NTM: variants seen among roughly 807,000 people sequenced by gnomAD.
NTM encodes the protein IgLON family member 2.
In NTM, 13 loss-of-function variants were observed where a neutral mutation model predicts 42.1. That is an observed-to-expected ratio of 0.31 (90% CI 0.20 to 0.49). The LOEUF (loss-of-function observed/expected upper bound fraction) is 0.49, where lower values mean the gene tolerates loss of function less well. Among genes scored for constraint, NTM ranks in the 20% least tolerant of loss-of-function variants. NTM has a pLI of 0.99. For missense variants in NTM, 373 were observed against 452.8 expected, an observed-to-expected ratio of 0.82 and a Z score of 1.60; for synonymous variants, 187 against 179.2, an observed-to-expected ratio of 1.04 and a Z score of -0.35.
At chr11:132,275,216 T>C (rs376886017) in intron 4 of NTM, among the ~76,000 whole-genome samples, 7 of 152,242 alleles carry the variant, frequency 4.6e-5, no homozygotes, top group East Asian at 3.9e-4. Flanking sequence ...TTTTATATGA[T>C]GTAAGGAAGG....
At chr11:132,247,929 C>A (rs1372374826) in intron 4 of NTM, among the ~76,000 whole-genome samples, 1 of 152,284 alleles carries the variant, frequency 6.6e-6, no homozygotes, top group East Asian at 1.9e-4. Context: ...TGAGAAAGGT[C>A]ATTTCCAGCT....
chr11:131,824,646 C>T (rs962845961), intron 1 of NTM, among the ~76,000 whole-genome samples: 1 of 152,182 alleles, frequency 6.6e-6, no homozygotes, highest in South Asian at 2.1e-4. Flanking sequence ...TGTATTGTGA[C>T]AGACATTACA....
In NTM at chr11:131,378,318, G is replaced by A. The variant is rs1189341325; in HGVS notation, c.82+7430G>A. The stretch of plus-strand genomic sequence containing the variant: ...AACACTTGGACTAAGAGATTTTCAA[G>A]TCTCATTCCAAGTTCAACATTTGGC... On this transcript the variant is annotated intron_variant, in intron 1 of 8. Coordinates refer to ENST00000683400, the MANE Select transcript of NTM (RefSeq NM_001352005.2). Among the ~76,000 whole-genome samples, 6 of 152,176 alleles carry A rather than the reference G, an allele frequency of 3.9e-5. No homozygotes were observed. In the East Asian group the frequency reaches 1.2e-3, roughly 29 times the overall value.
intron 4 of NTM, among the ~76,000 whole-genome samples, chr11:132,273,895 G>A (rs1487000004): frequency 6.6e-6 from 1 of 152,058 alleles, no homozygotes; most frequent in Non-Finnish European, 1.5e-5. Context: ...CAATAAGAGT[G>A]AAACTCCATC....
intron 2 of NTM, among the ~76,000 whole-genome samples, chr11:131,968,829 C>T (rs1366131309): frequency 6.6e-6 from 1 of 152,210 alleles, no homozygotes; most frequent in African/African-American, 2.4e-5. Context: ...CTTCCACCCC[C>T]TTAATTCTCC....
intron 1 of NTM, among the ~76,000 whole-genome samples, chr11:131,533,588 C>A (rs770900456): frequency 2.0e-5 from 3 of 152,164 alleles, no homozygotes; most frequent in Non-Finnish European, 4.4e-5. Context: ...GGCTTCAAAT[C>A]CTCACCTGCC....
chr11:132,276,063 T>G (rs2139766859), intron 4 of NTM, among the ~76,000 whole-genome samples: 1 of 152,176 alleles, frequency 6.6e-6, no homozygotes, highest in Admixed American at 6.6e-5. Flanking sequence ...AATTTTTTTT[T>G]TAGATTCTAC....
Position 132,204,862 on chromosome 11 carries a change from G to A in NTM, c.401-7160G>A, listed in dbSNP as rs186041257. ...AACCACTCAACTGTGCCTAGGCTTC[G>A]CTTGGGTACACAGTGGCCCTTGGGA... On this transcript the variant is annotated intron_variant, in intron 3 of 8. Transcript: ENST00000683400. 3.4e-4 allele frequency among the ~76,000 whole-genome samples: 52 copies of A among 152,282 alleles called. 1 individual carries two copies. Among genetic ancestry groups the A allele is most frequent in the African/African-American group, 1.0e-3 (42 of 41,556 alleles).
At chr11:131,638,754 T>G (rs1304657023) in intron 1 of NTM, among the ~76,000 whole-genome samples, 1 of 152,064 alleles carries the variant, frequency 6.6e-6, no homozygotes, top group African/African-American at 2.4e-5. Context: ...ACTTTGCCAC[T>G]AAATAGCCAG....
chr11:131,511,635 A>G (rs2048265901), intron 1 of NTM, among the ~76,000 whole-genome samples: 1 of 147,548 alleles, frequency 6.8e-6, no homozygotes, highest in Non-Finnish European at 1.5e-5. Flanking sequence ...TCTGCTTAGG[A>G]TTGATTTTCC....
intron 4 of NTM, among the ~76,000 whole-genome samples, chr11:132,275,615 T>C (rs1259859361): frequency 1.0e-4 from 15 of 149,594 alleles, no homozygotes; most frequent in Admixed American, 1.0e-3. Context: ...TTTACTGGTG[T>C]TTGTTTCTTT....
chr11:132,069,799 G>A (rs1326576839), intron 2 of NTM, among the ~76,000 whole-genome samples: 7 of 138,334 alleles, frequency 5.1e-5, no homozygotes, highest in African/African-American at 1.1e-4. Flanking sequence ...TAGTTAACAC[G>A]TCACACAGCC....
At chr11:131,762,046 A>G (rs2135812871) in intron 1 of NTM, among the ~76,000 whole-genome samples, 1 of 152,142 alleles carries the variant, frequency 6.6e-6, no homozygotes, top group East Asian at 2.0e-4. Flanking sequence ...ACTATAAGAA[A>G]ATGAATTTTT....
intron 2 of NTM, among the ~76,000 whole-genome samples, chr11:131,934,780 G>C (rs2059029353): frequency 6.6e-6 from 1 of 152,202 alleles, no homozygotes; most frequent in Non-Finnish European, 1.5e-5. Context: ...TCCGGTGCTG[G>C]AGGGAGAGAA....
chr11:132,267,051 T>C (rs1262642515), intron 4 of NTM, among the ~76,000 whole-genome samples: 2 of 152,174 alleles, frequency 1.3e-5, no homozygotes, highest in Non-Finnish European at 2.9e-5. Context: ...CCACCCACCA[T>C]TTATCAACAT....
chr11:131,725,332 A>G (rs955608209), intron 1 of NTM, among the ~76,000 whole-genome samples: 2 of 152,228 alleles, frequency 1.3e-5, no homozygotes, highest in African/African-American at 4.8e-5. Context: ...ACAGTGAGAC[A>G]GGCAATATAC....
At chr11:131,693,928 C>G (rs1037116476) in intron 1 of NTM, among the ~76,000 whole-genome samples, 24 of 152,222 alleles carry the variant, frequency 1.6e-4, no homozygotes, top group African/African-American at 5.8e-4. Context: ...GGAGACCTGT[C>G]TCTTTCAGGA....
At chr11:132,033,854 G>C (rs187766561) in intron 2 of NTM, among the ~76,000 whole-genome samples, 11 of 152,262 alleles carry the variant, frequency 7.2e-5, no homozygotes, top group Admixed American at 7.2e-4. Flanking sequence ...GATTGAAAAA[G>C]AATCTCATAT....
intron 4 of NTM, among the ~76,000 whole-genome samples, chr11:132,262,719 C>T (rs2092941050): frequency 6.6e-6 from 1 of 152,182 alleles, no homozygotes; most frequent in South Asian, 2.1e-4. Flanking sequence ...GGAACACAAA[C>T]ATCTACTCCA....
Sources: allele counts gnomAD v4.1 joint callset (sites outside exome capture counted in the v4.1 genomes callset), GRCh38; gene constraint gnomAD v4.1.1; transcripts MANE v1.5; gene names NCBI Gene and HGNC (gene_info 2026-07-23, HGNC 2026-07-21).